Variants in SUGCT observed in about 807,000 individuals in gnomAD.
SUGCT encodes succinyl-CoA:glutarate CoA-transferase.
Under a neutral mutation model 55.0 loss-of-function variants are expected in SUGCT, and 41 were observed. That is an observed-to-expected ratio of 0.74 (90% CI 0.58 to 0.97). The LOEUF (loss-of-function observed/expected upper bound fraction) is 0.97. Among genes scored for constraint, SUGCT ranks in the 50% least tolerant of loss-of-function variants. The probability of loss-of-function intolerance (pLI) is 0.00; values close to 1 mark genes in which losing one functional copy is unlikely to be tolerated. For missense variants in SUGCT, 568 were observed against 547.8 expected, an observed-to-expected ratio of 1.04 and a Z score of -0.37; for synonymous variants, 187 against 200.4, an observed-to-expected ratio of 0.93 and a Z score of 0.56.
At chr7:40,912,388 G>C in the SUGCT span, among the ~76,000 whole-genome samples, 13 of 152,092 alleles carry the variant, frequency 8.5e-5, no homozygotes, top group African/African-American at 3.1e-4. Context: ...ATCTGTTGCT[G>C]AGTCCTTGGT....
intron 6 of SUGCT, among the ~76,000 whole-genome samples, chr7:40,225,598 G>T (rs1788293441): frequency 6.6e-6 from 1 of 151,836 alleles, no homozygotes; most frequent in Admixed American, 6.6e-5. Context: ...ACCACGCTCA[G>T]CTAGTTTTTG....
intron 9 of SUGCT, among the ~76,000 whole-genome samples, chr7:40,357,005 C>G (rs1006488274): frequency 2.0e-5 from 3 of 152,150 alleles, no homozygotes; most frequent in Non-Finnish European, 4.4e-5. Flanking sequence ...TTTATTTTCT[C>G]TGGACACATT....
the SUGCT span, among the ~76,000 whole-genome samples, chr7:41,007,699 C>CA: frequency 2.0e-5 from 3 of 149,856 alleles, no homozygotes; most frequent in African/African-American, 7.4e-5. Context: ...CACAAATATG[C>CA]AAAAAACAAG....
intron 12 of SUGCT, among the ~76,000 whole-genome samples, chr7:40,732,016 C>T (rs1431091044): frequency 6.6e-6 from 1 of 152,112 alleles, no homozygotes; most frequent in African/African-American, 2.4e-5. Flanking sequence ...ATCTTGGGAG[C>T]TAGGATACAG....
At chr7:40,570,850 CTTTTTTT>C (rs776733346) in intron 12 of SUGCT, among the ~76,000 whole-genome samples, 35 of 52,298 alleles carry the variant, frequency 6.7e-4, no homozygotes, top group African/African-American at 1.4e-3. Flanking sequence ...GCTTTAGGCT[CTTTTTTT>C]TTTTTTTTTT....
At chr7:40,206,552 C>G (rs1786985671) in intron 6 of SUGCT, among the ~76,000 whole-genome samples, 1 of 152,206 alleles carries the variant, frequency 6.6e-6, no homozygotes, top group East Asian at 1.9e-4. Context: ...TGAAAAATAT[C>G]AAAGTTTAAG....
the SUGCT span, among the ~76,000 whole-genome samples, chr7:40,984,949 C>T: frequency 1.3e-5 from 2 of 152,180 alleles, no homozygotes; most frequent in South Asian, 2.1e-4. Flanking sequence ...ATATGCTAAT[C>T]AACCTTTGTT....
chr7:40,717,987 AG>A (rs796767338), intron 12 of SUGCT, among the ~76,000 whole-genome samples: 1 of 152,136 alleles, frequency 6.6e-6, no homozygotes. Context: ...AATAATGAAA[AG>A]TTATTTTCTA....
intron 9 of SUGCT, among the ~76,000 whole-genome samples, chr7:40,442,771 G>A (rs149242861): frequency 2.4e-3 from 367 of 152,090 alleles, no homozygotes; most frequent in Non-Finnish European, 3.3e-3. Context: ...TGTTTACAAC[G>A]TGCAGGTTTG....
intron 9 of SUGCT, among the ~76,000 whole-genome samples, chr7:40,378,436 TC>T (rs1784712375): frequency 6.6e-6 from 1 of 152,212 alleles, no homozygotes; most frequent in African/African-American, 2.4e-5. Flanking sequence ...ATTGTACTTT[TC>T]AACTCCAGAT....
intron 12 of SUGCT, among the ~76,000 whole-genome samples, chr7:40,731,678 G>T (rs184106402): frequency 1.3e-5 from 2 of 152,006 alleles, no homozygotes; most frequent in Non-Finnish European, 2.9e-5. Flanking sequence ...TAAAGTGGAA[G>T]AAATGTAAAT....
chr7:40,589,710 CTTAA>C (rs1797609065), intron 12 of SUGCT, among the ~76,000 whole-genome samples: 1 of 152,116 alleles, frequency 6.6e-6, no homozygotes, highest in Non-Finnish European at 1.5e-5. Context: ...ATAATTTACT[CTTAA>C]TTGTGTTATA....
the SUGCT span, among the ~76,000 whole-genome samples, chr7:40,998,193 C>T: frequency 1.3e-5 from 2 of 151,994 alleles, no homozygotes; most frequent in Non-Finnish European, 2.9e-5. Flanking sequence ...ATGATGAAAC[C>T]CCCGTTTGTA....
chr7:40,919,786 C>T, the SUGCT span, among the ~76,000 whole-genome samples: 1 of 152,142 alleles, frequency 6.6e-6, no homozygotes, highest in African/African-American at 2.4e-5. Context: ...TTGTGTAATA[C>T]TTTTCCACAA....
intron 13 of SUGCT, among the ~76,000 whole-genome samples, chr7:40,759,668 A>G (rs1056186281): frequency 6.6e-6 from 1 of 152,078 alleles, no homozygotes; most frequent in Non-Finnish European, 1.5e-5. Context: ...TACTTACATT[A>G]GTCTCTAATT....
intron 6 of SUGCT, among the ~76,000 whole-genome samples, chr7:40,202,957 G>A (rs115973940): frequency 0.017 from 2,547 of 152,236 alleles, 70 homozygotes; most frequent in African/African-American, 0.059. Context: ...GCTTTTAGCC[G>A]ATGTAGCCAT....
chr7:40,826,472 G>A (rs1792316473), intron 13 of SUGCT, among the ~76,000 whole-genome samples: 1 of 152,174 alleles, frequency 6.6e-6, no homozygotes, highest in Non-Finnish European at 1.5e-5. Flanking sequence ...AGAACAGCTG[G>A]TGAAGAAATC....
intron 12 of SUGCT, among the ~76,000 whole-genome samples, chr7:40,571,087 G>A (rs962955447): frequency 1.1e-4 from 16 of 151,908 alleles, no homozygotes; most frequent in Non-Finnish European, 1.6e-4. Context: ...ATCTGTAAAA[G>A]CAGGTTACTG....
chr7:40,292,386 A>C (rs925707378), intron 8 of SUGCT, among the ~76,000 whole-genome samples: 4 of 152,134 alleles, frequency 2.6e-5, no homozygotes, highest in Admixed American at 1.3e-4. Flanking sequence ...TTTTCAGTTC[A>C]ATCAGTTCTT....
Sources: allele counts gnomAD v4.1 joint callset (sites outside exome capture counted in the v4.1 genomes callset), GRCh38; gene constraint gnomAD v4.1.1; transcripts MANE v1.5; gene names NCBI Gene and HGNC (gene_info 2026-07-23, HGNC 2026-07-21).